Variants in RERE observed in about 807,000 individuals in gnomAD.
RERE encodes arginine-glutamic acid dipeptide repeats protein.
In RERE, 40 loss-of-function variants were observed where a neutral mutation model predicts 146.1. The observed-to-expected ratio is 0.27, with a 90% CI of 0.21 to 0.36. The LOEUF (loss-of-function observed/expected upper bound fraction) is 0.36. Ranked by LOEUF, RERE falls within the 10% of genes least tolerant of loss-of-function variation. RERE has a pLI of 1.00. For synonymous variants in RERE, 1,003 were observed against 866.0 expected (o/e 1.16, Z -2.78); for missense variants, 1,933 against 2,138.7 (o/e 0.90, Z 1.90).
chr1:8,678,641 G>A (rs1444758039), intron 1 of RERE, among the ~76,000 whole-genome samples: 1 of 152,034 alleles, frequency 6.6e-6, no homozygotes, highest in African/African-American at 2.4e-5. Flanking sequence ...GTTGCAGTGA[G>A]CCGAGATCGT....
intron 1 of RERE, among the ~76,000 whole-genome samples, chr1:8,681,225 C>A (rs768831762): frequency 6.6e-6 from 1 of 152,182 alleles, no homozygotes; most frequent in East Asian, 1.9e-4. Flanking sequence ...CTGGTGCAGG[C>A]ATCTCCAAAC....
chr1:8,770,315 A>AT (rs954436896), intron 1 of RERE, among the ~76,000 whole-genome samples: 1 of 151,890 alleles, frequency 6.6e-6, no homozygotes, highest in African/African-American at 2.4e-5. Context: ...TTAAAAAAAA[A>AT]TTTTTTTTTA....
chr1:8,532,571 C>A (rs1349023344), intron 7 of RERE, among the ~76,000 whole-genome samples: 1 of 151,974 alleles, frequency 6.6e-6, no homozygotes, highest in African/African-American at 2.4e-5. Flanking sequence ...CAGGTGTGCA[C>A]CACCATGCCT....
chr1:8,576,197 A>T (rs982005552), intron 4 of RERE, among the ~76,000 whole-genome samples: 1 of 151,474 alleles, frequency 6.6e-6, no homozygotes, highest in African/African-American at 2.4e-5. Context: ...TTGGCAACTT[A>T]TTCTCCAGTG....
intron 3 of RERE, among the ~76,000 whole-genome samples, chr1:8,622,198 A>G (rs1344581737): frequency 6.6e-6 from 1 of 152,226 alleles, no homozygotes; most frequent in Admixed American, 6.5e-5. Flanking sequence ...AACAGCAACT[A>G]TCACATTGTA....
intron 1 of RERE, among the ~76,000 whole-genome samples, chr1:8,804,576 T>G (rs1426991569): frequency 6.6e-6 from 1 of 152,200 alleles, no homozygotes; most frequent in East Asian, 1.9e-4. Context: ...TAGCTTCTCT[T>G]GCAGTTATGT....
chr1:8,502,658 G>A (rs1430000051), intron 8 of RERE, among the ~76,000 whole-genome samples: 1 of 150,136 alleles, frequency 6.7e-6, no homozygotes, highest in East Asian at 2.0e-4. Context: ...CGGGAAGGGT[G>A]GGGAAAAAAT....
intron 12 of RERE, among the ~76,000 whole-genome samples, chr1:8,420,414 T>TAC (rs1360772356): frequency 2.6e-5 from 4 of 152,212 alleles, no homozygotes; most frequent in African/African-American, 9.6e-5. Flanking sequence ...ACAACACTGG[T>TAC]ACATGCAAAT....
At chr1:8,812,286 C>A (rs1464966915) in intron 1 of RERE, among the ~76,000 whole-genome samples, 13 of 152,122 alleles carry the variant, frequency 8.5e-5, no homozygotes, top group East Asian at 1.9e-4. Context: ...TTATAACTAA[C>A]CATATAAGGA....
At chr1:8,736,095 A>C (rs755632226) in intron 1 of RERE, among the ~76,000 whole-genome samples, 1 of 152,238 alleles carries the variant, frequency 6.6e-6, no homozygotes, top group Non-Finnish European at 1.5e-5. Flanking sequence ...CGCTATAGCA[A>C]ATATAGTAAA....
chr1:8,361,958 G>T, intron 16 of RERE, 82 bp from the exon 17 acceptor site: 1 of 995,418 alleles, frequency 1.0e-6, no homozygotes, highest in Non-Finnish European at 1.5e-6. Flanking sequence ...ACGGTTTGCA[G>T]ACACTTTGCT....
intron 12 of RERE, among the ~76,000 whole-genome samples, chr1:8,406,103 A>AT (rs1643430050): frequency 6.6e-6 from 1 of 150,540 alleles, no homozygotes; most frequent in African/African-American, 2.4e-5. Context: ...CCAGATTAAT[A>AT]TTTTTTTAAA....
chr1:8,530,937 C>T (rs1015754435), intron 7 of RERE, among the ~76,000 whole-genome samples: 1 of 151,550 alleles, frequency 6.6e-6, no homozygotes, highest in African/African-American at 2.4e-5. Context: ...ATGATCCACC[C>T]GCCTCGGCCT....
Position 8,529,161 on chromosome 1 carries a change from T to C in RERE, c.830+12053A>G, listed in dbSNP as rs377187326. ...TTGAGTAAAAGATATATGGAGGTTC[T>C]TTCTTGTACTAGTCTCATAACTCCT... On this transcript the variant is annotated intron_variant, in intron 7 of 22. Transcript: ENST00000400908. Among the ~76,000 whole-genome samples, 12 of 152,322 alleles carry C rather than the reference T, an allele frequency of 7.9e-5. No individual in the cohort carries two copies. In the East Asian group the frequency reaches 1.5e-3, roughly 20 times the overall value.
rs751088456 is a variant in RERE at position 8,360,909 on chromosome 1, T to C, written c.2598A>G (p.Pro866=). The C allele has an allele frequency of 1.5e-5, 22 of 1,489,962 alleles. No individual in the cohort carries two copies. Among genetic ancestry groups the C allele is most frequent in the Non-Finnish European group, 2.0e-5 (22 of 1,126,944 alleles). The allele number at this position is 1,489,962 out of a possible 1,614,324, so 92.3% of individuals were successfully genotyped here. Residue 866 remains proline (P), a synonymous_variant, in exon 18 of 23, where the codon CCA becomes CCG. Coordinates refer to ENST00000400908, the MANE Select transcript of RERE (RefSeq NM_001042681.2). ...GGAGGCCAAAGGGCTGTGGGGGGCC[T>C]GGGTGCTGCAGCAGGGGCCCAGCCT... ...SLQAGPLLQH[P]GPPQPFGLPP...
At chr1:8,551,814 C>T (rs563383444) in intron 6 of RERE, among the ~76,000 whole-genome samples, 3 of 152,280 alleles carry the variant, frequency 2.0e-5, no homozygotes, top group East Asian at 3.9e-4. Context: ...AAAAACGTGA[C>T]ACTGGCCACA....
At position 8,365,812 on chromosome 1, in the gene RERE, A is replaced by C; in HGVS notation, c.1447T>G (p.Leu483Val). 1 of 1,614,074 alleles carries C rather than the reference A, an allele frequency of 6.2e-7. No individual in the cohort carries two copies. Among genetic ancestry groups the C allele is most frequent in the Non-Finnish European group, 8.5e-7 (1 of 1,179,976 alleles). ...TPSRPPSSEF[L>V]DLSSASEDDF... ...CTGTGATGCCAAGACCCCTACTCAC[A>C]GAATTCACTGGACGGGGGTCTGGAG... Residue 483 changes from leucine to valine, a missense_variant and splice_region_variant, in exon 13 of 23, where the codon TTG (leucine) becomes GTG (valine). By Grantham distance (32) the Leu-to-Val change is conservative. Transcript: ENST00000400908.
chr1:8,573,095 A>C (rs942450442), intron 4 of RERE, among the ~76,000 whole-genome samples: 2 of 152,138 alleles, frequency 1.3e-5, no homozygotes, highest in Admixed American at 6.5e-5. Flanking sequence ...AAACTCCCAA[A>C]GGTGGCTCTA....
chr1:8,591,202 C>T (rs1646488368), intron 4 of RERE, among the ~76,000 whole-genome samples: 1 of 152,144 alleles, frequency 6.6e-6, no homozygotes, highest in African/African-American at 2.4e-5. Context: ...GATCAAACCA[C>T]CTGAGCTGCC....
Sources: gnomAD v4.1 joint callset for allele counts (sites outside exome capture counted in the v4.1 genomes callset) on GRCh38, gnomAD v4.1.1 for gene constraint, MANE v1.5 for transcripts, NCBI Gene and HGNC (gene_info 2026-07-23, HGNC 2026-07-21) for gene names.